ATP13A4: variants seen among roughly 807,000 people sequenced by gnomAD.
The protein encoded by ATP13A4 is ATPase 13A4.
ATP13A4 carries 114 observed loss-of-function variants against 142.5 expected under a neutral mutation model. The observed-to-expected ratio is 0.80, with a 90% CI of 0.69 to 0.93. The LOEUF is 0.93. Among genes scored for constraint, ATP13A4 ranks in the 40% least tolerant of loss-of-function variants. The pLI is 0.00. For synonymous variants in ATP13A4, 488 were observed against 514.8 expected (o/e 0.95, Z 0.70); for missense variants, 1,392 against 1,454.0 (o/e 0.96, Z 0.69).
chr3:193,412,455 C>G, intron 26 of ATP13A4, 84 bp from the exon 27 acceptor site: 2 of 1,316,912 alleles, frequency 1.5e-6, no homozygotes, highest in Non-Finnish European at 2.2e-6. Flanking sequence ...CCATACCAAA[C>G]AGTGTCCAGA....
chr3:193,503,840 TG>T (rs1720696003), intron 2 of ATP13A4, among the ~76,000 whole-genome samples: 1 of 152,120 alleles, frequency 6.6e-6, no homozygotes, highest in Non-Finnish European at 1.5e-5. Flanking sequence ...CTAATTACTC[TG>T]GGTGATCTCT....
At chr3:193,547,150 C>G (rs1278033160) in intron 1 of ATP13A4, among the ~76,000 whole-genome samples, 1 of 152,172 alleles carries the variant, frequency 6.6e-6, no homozygotes, top group African/African-American at 2.4e-5. Flanking sequence ...ATTTAAATAT[C>G]TATTAAATCC....
chr3:193,587,685 A>C (rs995345369), intron 1 of ATP13A4, among the ~76,000 whole-genome samples: 1 of 152,174 alleles, frequency 6.6e-6, no homozygotes, highest in Non-Finnish European at 1.5e-5. Flanking sequence ...TTAATTTCTT[A>C]GGATTTTCTA....
chr3:193,468,404 C>G (rs1216742678), intron 9 of ATP13A4, among the ~76,000 whole-genome samples: 1 of 152,102 alleles, frequency 6.6e-6, no homozygotes, highest in Non-Finnish European at 1.5e-5. Context: ...GGGATGAGGT[C>G]TGAACTATAA....
At chr3:193,545,458 C>A (rs1220507550) in intron 1 of ATP13A4, among the ~76,000 whole-genome samples, 1 of 152,106 alleles carries the variant, frequency 6.6e-6, no homozygotes, top group African/African-American at 2.4e-5. Context: ...ACAAGAATAG[C>A]CTTAGGCTGA....
At chr3:193,405,673 T>G (rs768310936) in intron 29 of ATP13A4, among the ~76,000 whole-genome samples, 13 of 151,622 alleles carry the variant, frequency 8.6e-5, no homozygotes, top group Non-Finnish European at 1.8e-4. Context: ...AAGCCAGTCC[T>G]GAAGCCACCT....
At chr3:193,427,615 G>C (rs1014007936) in intron 25 of ATP13A4, among the ~76,000 whole-genome samples, 3 of 152,160 alleles carry the variant, frequency 2.0e-5, no homozygotes, top group Non-Finnish European at 1.5e-5. Context: ...GAACAGAACA[G>C]AACCCTCAGA....
intron 1 of ATP13A4, among the ~76,000 whole-genome samples, chr3:193,544,316 T>C (rs1560272915): frequency 6.6e-6 from 1 of 152,162 alleles, no homozygotes; most frequent in Non-Finnish European, 1.5e-5. Context: ...ATGAAATTAA[T>C]AGCTAGTGGA....
intron 17 of ATP13A4, among the ~76,000 whole-genome samples, chr3:193,451,683 A>G (rs1170546725): frequency 1.3e-5 from 2 of 152,224 alleles, no homozygotes; most frequent in African/African-American, 4.8e-5. Flanking sequence ...CTGTGATTAC[A>G]TCTCATGTTC....
At chr3:193,414,073 CTCTT>C (rs1333259491) in intron 26 of ATP13A4, among the ~76,000 whole-genome samples, 2 of 152,168 alleles carry the variant, frequency 1.3e-5, no homozygotes, top group African/African-American at 4.8e-5. Flanking sequence ...TGTACTCTTT[CTCTT>C]TATTTCTCAG....
At chr3:193,543,126 C>T (rs1362038171) in intron 1 of ATP13A4, among the ~76,000 whole-genome samples, 20 of 150,926 alleles carry the variant, frequency 1.3e-4, no homozygotes, top group Non-Finnish European at 2.9e-5. Context: ...TGAGATCGCA[C>T]CACTGCACTC....
In ATP13A4 at chr3:193,407,365, G is replaced by A. The variant is rs371115603; in HGVS notation, c.3326C>T (p.Ala1109Val). ...DLLCTPVLWR[A>V]SIVIMLSLNF... The stretch of plus-strand genomic sequence containing the variant: ...CAAGCTGAGCATGATGACAATGGAG[G>A]CCCTCCACAGGACGGGAGTGCAGAG... The change falls in exon 29 of 30, where the codon GCC (alanine) becomes GTC (valine). Residue 1109 changes from alanine to valine, a missense_variant. Physicochemically the swap from Ala to Val is moderately conservative, Grantham distance 64. Transcript: ENST00000342695. 2.1e-5 allele frequency: 34 copies of A among 1,613,596 alleles called. No homozygotes were observed. The highest frequency in any genetic ancestry group is 2.0e-4 in the Admixed American group (12 of 60,002).
intron 2 of ATP13A4, among the ~76,000 whole-genome samples, chr3:193,509,422 G>A (rs1404366384): frequency 2.0e-5 from 3 of 152,166 alleles, no homozygotes; most frequent in African/African-American, 7.2e-5. Context: ...CTGTTGGCTG[G>A]CATACAATGT....
chr3:193,485,213 T>A (rs565116178), intron 7 of ATP13A4, among the ~76,000 whole-genome samples: 1 of 151,018 alleles, frequency 6.6e-6, no homozygotes, highest in Admixed American at 6.6e-5. Context: ...GCCTAGCGCA[T>A]CTGGAAGGCA....
Position 193,519,626 on chromosome 3 carries a change from A to ATTTTTTTTTTTTTTT in ATP13A4, c.61-4770_61-4756dup, listed in dbSNP as rs147173408. On this transcript the variant is annotated intron_variant, in intron 1 of 29. Coordinates refer to ENST00000342695, the MANE Select transcript of ATP13A4 (RefSeq NM_032279.4). ...GAATTTTCACAATTTGCAATTTGTAATTTTTTTTTTTTTTTTTTTTTTTTT... is the reference window on the plus strand; with the variant it reads ...GAATTTTCACAATTTGCAATTTGTAATTTTTTTTTTTTTTTTTTTTTTTTTTTTTTTTTTTTTTTT... Among the ~76,000 whole-genome samples the ATTTTTTTTTTTTTTT allele has an allele frequency of 2.8e-4, 19 of 69,040 alleles. 1 individual carries two copies. Among genetic ancestry groups the ATTTTTTTTTTTTTTT allele is most frequent in the Non-Finnish European group, 3.8e-4 (15 of 39,894 alleles). The allele number at this position is 69,040 out of a possible 152,430, so 45.3% of individuals were successfully genotyped here.
chr3:193,544,527 G>A (rs1383003010), intron 1 of ATP13A4, among the ~76,000 whole-genome samples: 1 of 152,164 alleles, frequency 6.6e-6, no homozygotes, highest in East Asian at 1.9e-4. Flanking sequence ...ATAAGCCCAG[G>A]AGGATACCAC....
At chr3:193,448,489 C>G (rs569883765) in intron 17 of ATP13A4, among the ~76,000 whole-genome samples, 159 bp from the exon 18 acceptor site, 2 of 152,264 alleles carry the variant, frequency 1.3e-5, no homozygotes, top group Non-Finnish European at 2.9e-5. Context: ...GTGCCCACCA[C>G]CACGCCCGGC....
intron 13 of ATP13A4, among the ~76,000 whole-genome samples, chr3:193,461,347 A>C (rs75679398): frequency 0.011 from 1,703 of 152,360 alleles, 17 homozygotes; most frequent in Non-Finnish European, 0.019. Flanking sequence ...TGCAAATCTA[A>C]ATAAGAACAA....
chr3:193,520,026 G>A (rs1403945685), intron 1 of ATP13A4, among the ~76,000 whole-genome samples: 6 of 152,038 alleles, frequency 3.9e-5, no homozygotes, highest in Non-Finnish European at 1.5e-5. Context: ...GTCATAGTAG[G>A]ATCAATTCAA....
Sources: allele counts gnomAD v4.1 joint callset (sites outside exome capture counted in the v4.1 genomes callset), GRCh38; gene constraint gnomAD v4.1.1; transcripts MANE v1.5; gene names NCBI Gene and HGNC (gene_info 2026-07-23, HGNC 2026-07-21).